Variants in AUTS2 observed in about 807,000 individuals in gnomAD.
AUTS2 encodes the protein autism susceptibility gene 2 protein.
A neutral mutation model predicts 112.4 loss-of-function variants in AUTS2; 17 were observed. The observed-to-expected ratio is 0.15, with a 90% CI of 0.10 to 0.23. The LOEUF is 0.23. Among genes scored for constraint, AUTS2 ranks in the 10% least tolerant of loss-of-function variants. The pLI, the probability that AUTS2 is intolerant of heterozygous loss-of-function variation, is 1.00. For synonymous variants in AUTS2, 751 were observed against 702.7 expected (o/e 1.07, Z -1.09); for missense variants, 1,510 against 1,701.6 (o/e 0.89, Z 1.98).
At chr7:70,775,083 G>A in intron 12 of AUTS2, 1 of 488,832 alleles carries the variant, frequency 2.0e-6, no homozygotes, top group African/African-American at 2.0e-5. Context: ...TGTGTGATGT[G>A]AGCAAATCAT....
At chr7:70,625,317 G>C (rs561436505) in intron 5 of AUTS2, among the ~76,000 whole-genome samples, 12 of 152,176 alleles carry the variant, frequency 7.9e-5, no homozygotes, top group Non-Finnish European at 7.3e-5. Flanking sequence ...GAATGAATGA[G>C]TGTGTATCCA....
chr7:70,017,529 C>T (rs560005461), intron 2 of AUTS2, among the ~76,000 whole-genome samples: 4 of 152,302 alleles, frequency 2.6e-5, no homozygotes, highest in East Asian at 1.9e-4. Context: ...GCTGAATGCC[C>T]GTGACTTGTG....
intron 5 of AUTS2, among the ~76,000 whole-genome samples, chr7:70,658,836 A>C (rs538203551): frequency 1.3e-5 from 2 of 152,224 alleles, no homozygotes; most frequent in Non-Finnish European, 2.9e-5. Flanking sequence ...CTTTAATGAC[A>C]GTCTGAAGCC....
intron 4 of AUTS2, among the ~76,000 whole-genome samples, chr7:70,342,481 C>T (rs1005897692): frequency 6.6e-6 from 1 of 152,176 alleles, no homozygotes; most frequent in Non-Finnish European, 1.5e-5. Flanking sequence ...CATCCCATCA[C>T]TGCCCAGTAG....
At chr7:70,417,601 T>G (rs758080287) in intron 4 of AUTS2, among the ~76,000 whole-genome samples, 33 of 152,142 alleles carry the variant, frequency 2.2e-4, no homozygotes, top group Non-Finnish European at 4.6e-4. Context: ...CAAGGCACAG[T>G]GGAGTGTGGT....
intron 5 of AUTS2, among the ~76,000 whole-genome samples, chr7:70,605,546 C>T (rs1054310987): frequency 2.8e-3 from 196 of 70,622 alleles, no homozygotes; most frequent in East Asian, 3.3e-3. Context: ...CCTTCTTTCT[C>T]TTTTTTTTTT....
chr7:70,655,331 G>A (rs553677279), intron 5 of AUTS2, among the ~76,000 whole-genome samples: 6 of 152,336 alleles, frequency 3.9e-5, no homozygotes, highest in African/African-American at 1.2e-4. Flanking sequence ...GATGACTGCA[G>A]CTTACAAAGT....
chr7:69,627,448 G>A (rs1182576119), intron 1 of AUTS2, among the ~76,000 whole-genome samples: 3 of 151,972 alleles, frequency 2.0e-5, no homozygotes, highest in African/African-American at 7.3e-5. Context: ...CTGAGATCAC[G>A]CCATTGCACT....
At chr7:70,345,630 C>T (rs1272878831) in intron 4 of AUTS2, among the ~76,000 whole-genome samples, 1 of 152,100 alleles carries the variant, frequency 6.6e-6, no homozygotes, top group Non-Finnish European at 1.5e-5. Context: ...ATGTTTTAGC[C>T]TTTGAACTAT....
At chr7:69,695,600 T>C (rs1797526651) in intron 1 of AUTS2, among the ~76,000 whole-genome samples, 2 of 152,202 alleles carry the variant, frequency 1.3e-5, no homozygotes, top group African/African-American at 4.8e-5. Flanking sequence ...TGGGCAAATG[T>C]TCATATCCAT....
At chr7:70,081,096 A>T (rs1276746443) in intron 2 of AUTS2, among the ~76,000 whole-genome samples, 3 of 152,156 alleles carry the variant, frequency 2.0e-5, no homozygotes. Context: ...ATCCATGAGG[A>T]GTACAGAGTG....
Position 69,928,657 on chromosome 7 carries a change from G to A in AUTS2, c.522+29159G>A, listed in dbSNP as rs143997974. On this transcript the variant is annotated intron_variant, in intron 2 of 18. Coordinates refer to ENST00000342771, the MANE Select transcript of AUTS2 (RefSeq NM_015570.4). ...TTTGCTCCATGCTGCATTAGGCACC[G>A]AGAGAGCAGGGAGAGGCCAGAGAAG... Among the ~76,000 whole-genome samples, 62 of 152,272 alleles carry A rather than the reference G, an allele frequency of 4.1e-4. 1 individual carries two copies. Among genetic ancestry groups the A allele is most frequent in the African/African-American group, 1.3e-3 (56 of 41,572 alleles).
chr7:69,923,627 T>C (rs1795898516), intron 2 of AUTS2, among the ~76,000 whole-genome samples: 1 of 152,202 alleles, frequency 6.6e-6, no homozygotes, highest in Non-Finnish European at 1.5e-5. Flanking sequence ...CTTATTTCCT[T>C]CAGCAATATT....
rs191192113 is a variant in AUTS2, at chr7:70,718,657, C to T, written c.742+20037C>T. 2.1e-3 allele frequency among the ~76,000 whole-genome samples: 320 copies of T among 152,148 alleles called. 2 individuals carry two copies. Among genetic ancestry groups the T allele is most frequent in the African/African-American group, 7.2e-3 (300 of 41,526 alleles). On this transcript the variant is annotated intron_variant, in intron 6 of 18. Coordinates refer to ENST00000342771, the MANE Select transcript of AUTS2 (RefSeq NM_015570.4). ...CAGCCTGGGCGACAGGGTAAGACTCCGTCTCAAAAACAAACAAACAAACAA... is the reference window on the plus strand; with the variant it reads ...CAGCCTGGGCGACAGGGTAAGACTCTGTCTCAAAAACAAACAAACAAACAA...
chr7:69,716,749 C>T (rs138168025), intron 1 of AUTS2, among the ~76,000 whole-genome samples: 14 of 152,238 alleles, frequency 9.2e-5, no homozygotes, highest in African/African-American at 2.6e-4. Context: ...TCTGACCAAC[C>T]AGCTATTAAT....
chr7:69,840,924 A>G (rs1791951285), intron 1 of AUTS2, among the ~76,000 whole-genome samples: 3 of 152,332 alleles, frequency 2.0e-5, no homozygotes, highest in South Asian at 4.1e-4. Context: ...AGTGCCGTCA[A>G]TGCAAAACTA....
In AUTS2 at chr7:70,681,749, G is replaced by A. The variant is rs148765838; in HGVS notation, c.691-16820G>A. 7.2e-4 allele frequency among the ~76,000 whole-genome samples: 109 copies of A among 152,228 alleles called. 1 individual carries two copies. In the East Asian group the frequency reaches 0.021, roughly 29 times the overall value. ...GACCTGCTGGTATTTAAATTTTAGT[G>A]TATTCCAGTGTGGATTTCTTGGTAT... On this transcript the variant is annotated intron_variant, in intron 5 of 18. Coordinates refer to ENST00000342771, the MANE Select transcript of AUTS2 (RefSeq NM_015570.4).
At chr7:69,774,266 G>C (rs1788799503) in intron 1 of AUTS2, among the ~76,000 whole-genome samples, 1 of 152,192 alleles carries the variant, frequency 6.6e-6, no homozygotes, top group African/African-American at 2.4e-5. Context: ...AGCTGGCGGT[G>C]GTATGTGCCT....
intron 5 of AUTS2, among the ~76,000 whole-genome samples, chr7:70,692,086 T>A (rs1181390227): frequency 1.3e-5 from 2 of 152,086 alleles, no homozygotes; most frequent in Non-Finnish European, 2.9e-5. Flanking sequence ...CAGGCTGGTC[T>A]CAAACTCCTG....
Sources: allele counts gnomAD v4.1 joint callset (sites outside exome capture counted in the v4.1 genomes callset), GRCh38; gene constraint gnomAD v4.1.1; transcripts MANE v1.5; gene names NCBI Gene and HGNC (gene_info 2026-07-23, HGNC 2026-07-21).